The following PCDH15 variants were observed in gnomAD, a reference collection of about 807,000 sequenced individuals.
The protein encoded by PCDH15 is protocadherin related 15.
PCDH15 carries 129 observed loss-of-function variants against 178.5 expected under a neutral mutation model. The ratio of observed to expected loss-of-function variants is 0.72; its 90% CI spans 0.63 to 0.84. The LOEUF (loss-of-function observed/expected upper bound fraction) is 0.84, where lower values mean the gene tolerates loss of function less well. Ranked by LOEUF, PCDH15 falls within the 40% of genes least tolerant of loss-of-function variation. The probability of loss-of-function intolerance (pLI) is 0.00; values close to 1 mark genes in which losing one functional copy is unlikely to be tolerated. For synonymous variants in PCDH15, 800 were observed against 732.0 expected, an observed-to-expected ratio of 1.09 and a Z score of -1.50; for missense variants, 2,230 against 2,099.9, an observed-to-expected ratio of 1.06 and a Z score of -1.21.
At chr10:54,814,136 CA>C (rs1251156491) in intron 3 of PCDH15, among the ~76,000 whole-genome samples, 3 of 152,128 alleles carry the variant, frequency 2.0e-5, no homozygotes, top group Non-Finnish European at 4.4e-5. Context: ...ATATTATAAG[CA>C]AATTTATGTG....
At chr10:55,522,583 T>C (rs567574742) in intron 2 of PCDH15, among the ~76,000 whole-genome samples, 1 of 151,888 alleles carries the variant, frequency 6.6e-6, no homozygotes, top group African/African-American at 2.4e-5. Flanking sequence ...TCTTTGTCTC[T>C]TGTGACAGAT....
chr10:54,395,194 T>A (rs773617677), intron 3 of PCDH15, among the ~76,000 whole-genome samples: 1 of 152,056 alleles, frequency 6.6e-6, no homozygotes, highest in Non-Finnish European at 1.5e-5. Flanking sequence ...GTCCATGAAA[T>A]CTTTACAATT....
intron 2 of PCDH15, among the ~76,000 whole-genome samples, chr10:54,613,538 C>T (rs2093033807): frequency 1.3e-5 from 2 of 151,280 alleles, no homozygotes; most frequent in African/African-American, 4.8e-5. Context: ...CACACATACA[C>T]ATATGCACAA....
chr10:55,117,819 C>A (rs1837664595), intron 2 of PCDH15, among the ~76,000 whole-genome samples: 1 of 152,050 alleles, frequency 6.6e-6, no homozygotes, highest in Non-Finnish European at 1.5e-5. Context: ...CTACAGAGGT[C>A]AATTTTGGTT....
At chr10:53,825,211 A>AAAAC (rs1298209472) in intron 32 of PCDH15, 9 of 1,486,960 alleles carry the variant, frequency 6.1e-6, no homozygotes, top group Non-Finnish European at 8.0e-6. Flanking sequence ...GAGTTAATTT[A>AAAAC]AAACAATTCT....
chr10:53,991,731 G>A (rs1163684541), intron 21 of PCDH15, among the ~76,000 whole-genome samples: 3 of 151,958 alleles, frequency 2.0e-5, no homozygotes, highest in Non-Finnish European at 4.4e-5. Context: ...GTGGGGACTT[G>A]GAGAACTTTT....
chr10:54,066,928 T>G (rs745908598), intron 17 of PCDH15, 43 bp from the exon 18 acceptor site: 1 of 1,598,066 alleles, frequency 6.3e-7, no homozygotes, highest in South Asian at 1.1e-5. Flanking sequence ...GGAGCTATTT[T>G]TACTTAGAAT....
intron 2 of PCDH15, among the ~76,000 whole-genome samples, chr10:54,615,869 T>C (rs918882889): frequency 1.3e-5 from 2 of 152,046 alleles, no homozygotes; most frequent in Non-Finnish European, 1.5e-5. Context: ...TTTTCAATAA[T>C]AAAAATATTC....
chr10:54,434,748 T>C (rs527830567), intron 3 of PCDH15, among the ~76,000 whole-genome samples: 1 of 152,300 alleles, frequency 6.6e-6, no homozygotes, highest in East Asian at 1.9e-4. Flanking sequence ...ACAAATTCAC[T>C]CTCTAGAACA....
chr10:54,752,266 G>A (rs930445413), intron 1 of PCDH15, among the ~76,000 whole-genome samples: 1 of 151,046 alleles, frequency 6.6e-6, no homozygotes, highest in Non-Finnish European at 1.5e-5. Context: ...CATGAAGTCA[G>A]GAGATGGAGA....
intron 10 of PCDH15, among the ~76,000 whole-genome samples, chr10:54,207,569 T>C (rs1317459342): frequency 6.6e-6 from 1 of 152,092 alleles, no homozygotes; most frequent in Non-Finnish European, 1.5e-5. Context: ...TATCTCAGTA[T>C]GTTATCTGAG....
At chr10:54,256,081 T>C (rs1223925919) in intron 8 of PCDH15, among the ~76,000 whole-genome samples, 4 of 152,174 alleles carry the variant, frequency 2.6e-5, no homozygotes, top group Non-Finnish European at 4.4e-5. Context: ...AGCTATTTGG[T>C]GGCCATGCCA....
chr10:54,064,347 G>GT (rs2094095474), intron 18 of PCDH15, among the ~76,000 whole-genome samples: 1 of 152,132 alleles, frequency 6.6e-6, no homozygotes, highest in African/African-American at 2.4e-5. Flanking sequence ...ATGTTGATTG[G>GT]TCCACGGGTG....
intron 7 of PCDH15, among the ~76,000 whole-genome samples, chr10:54,322,846 A>G (rs1398797657): frequency 6.6e-6 from 1 of 151,856 alleles, no homozygotes; most frequent in Admixed American, 6.6e-5. Context: ...CAATTGCAAC[A>G]AAAACAAAAA....
intron 3 of PCDH15, among the ~76,000 whole-genome samples, chr10:54,853,287 GTGTATATATATA>G (rs1474056619): frequency 3.5e-5 from 2 of 56,570 alleles, no homozygotes; most frequent in Non-Finnish European, 6.6e-5. Context: ...GTATGTATGT[GTGTATATATATA>G]TATATATATA....
chr10:55,091,494 A>G (rs1372402367), intron 2 of PCDH15, among the ~76,000 whole-genome samples: 2 of 151,924 alleles, frequency 1.3e-5, no homozygotes, highest in African/African-American at 4.8e-5. Context: ...TAACAATTTA[A>G]GTAGATTAAG....
intron 26 of PCDH15, among the ~76,000 whole-genome samples, chr10:53,887,721 C>G (rs1375996487): frequency 6.6e-6 from 1 of 152,098 alleles, no homozygotes; most frequent in African/African-American, 2.4e-5. Flanking sequence ...AACCCCGTCT[C>G]TACTAAAAAT....
rs538283816 is a variant in PCDH15, at chr10:54,115,002, G to A, written c.1917+17873C>T. 2.7e-5 allele frequency among the ~76,000 whole-genome samples: 4 copies of A among 150,870 alleles called. No homozygotes were observed. In the South Asian group the frequency reaches 8.3e-4, roughly 31 times the overall value. ...TAATTTTTTTAAAAAGTATTATTCT[G>A]TTGCCTGCAACTGACCACAAAAGGG... On this transcript the variant is annotated intron_variant, in intron 15 of 37. Transcript: ENST00000644397.
chr10:53,992,559 C>A (rs2091595370), intron 21 of PCDH15, among the ~76,000 whole-genome samples: 1 of 152,190 alleles, frequency 6.6e-6, no homozygotes, highest in African/African-American at 2.4e-5. Flanking sequence ...CACATACTCA[C>A]AAAAGACTAT....
Sources: gnomAD v4.1 joint callset for allele counts (sites outside exome capture counted in the v4.1 genomes callset) on GRCh38, gnomAD v4.1.1 for gene constraint, MANE v1.5 for transcripts, NCBI Gene and HGNC (gene_info 2026-07-23, HGNC 2026-07-21) for gene names.